LPP: variants seen among roughly 807,000 people sequenced by gnomAD.
The protein encoded by LPP is lipoma-preferred partner.
LPP carries 38 observed loss-of-function variants against 60.4 expected under a neutral mutation model. The ratio of observed to expected loss-of-function variants is 0.63; its 90% CI spans 0.49 to 0.83. The LOEUF is 0.83. LPP is among the 40% of genes least tolerant of loss of function. The probability of loss-of-function intolerance (pLI) is 0.00; values close to 1 mark genes in which losing one functional copy is unlikely to be tolerated. For synonymous variants in LPP, 328 were observed against 290.8 expected (o/e 1.13, Z -1.30); for missense variants, 902 against 783.6 (o/e 1.15, Z -1.80).
In LPP at chr3:188,886,767, C is replaced by CT; in HGVS notation, c.*12288_*12289insT. 4.4e-6 allele frequency: 1 copy of CT among 229,224 alleles called. No individual in the cohort carries two copies. Among genetic ancestry groups the CT allele is most frequent in the Non-Finnish European group, 8.6e-6 (1 of 116,534 alleles). The allele number at this position is 229,224 out of a possible 1,614,324, so 14.2% of individuals were successfully genotyped here. On this transcript the variant is annotated 3_prime_UTR_variant, in exon 12 of 12. Transcript: ENST00000617246. ...ACACACACACACACACACACACACC[C>CT]CTTCCAAGAAAGCTGATCCTTCAGA...
intron 8 of LPP, among the ~76,000 whole-genome samples, chr3:188,740,381 T>A (rs6801161): frequency 0.2 from 30,045 of 152,000 alleles, 3,712 homozygotes; most frequent in Middle Eastern, 0.42. Context: ...ATATTCTCTA[T>A]TGGAGCATAC....
chr3:188,599,790 G>GTGT (rs1553938528), intron 6 of LPP, among the ~76,000 whole-genome samples: 4 of 125,476 alleles, frequency 3.2e-5, no homozygotes, highest in East Asian at 2.5e-4. Flanking sequence ...GTGTGTGTGT[G>GTGT]GTGTGTGCTT....
intron 11 of LPP, 149 bp from the exon 12 acceptor site, chr3:188,874,202 G>A (rs1768932667): frequency 1.7e-6 from 1 of 592,622 alleles, no homozygotes; most frequent in African/African-American, 1.8e-5. Context: ...TGGGAGAAAG[G>A]ATACAGGGGA....
intron 6 of LPP, among the ~76,000 whole-genome samples, chr3:188,551,903 C>A (rs1334164988): frequency 1.3e-5 from 2 of 152,042 alleles, no homozygotes; most frequent in Non-Finnish European, 2.9e-5. Flanking sequence ...AGGGAGAGAC[C>A]AATGGTAAAA....
At chr3:188,175,820 T>C (rs1722893473) in intron 1 of LPP, among the ~76,000 whole-genome samples, 1 of 152,118 alleles carries the variant, frequency 6.6e-6, no homozygotes, top group South Asian at 2.1e-4. Flanking sequence ...GTGCTCATAG[T>C]TGGGCTTTTT....
intron 9 of LPP, among the ~76,000 whole-genome samples, chr3:188,805,260 T>A (rs1748739003): frequency 6.6e-6 from 1 of 152,088 alleles, no homozygotes; most frequent in African/African-American, 2.4e-5. Context: ...AGAATTTGTA[T>A]GGAATTGGTA....
At chr3:188,729,349 G>T (rs1719585817) in intron 8 of LPP, among the ~76,000 whole-genome samples, 1 of 152,170 alleles carries the variant, frequency 6.6e-6, no homozygotes, top group Non-Finnish European at 1.5e-5. Flanking sequence ...TGTTTTGGAT[G>T]TTTACCTGTG....
chr3:188,543,098 G>A (rs2150401701), intron 6 of LPP, among the ~76,000 whole-genome samples: 1 of 152,262 alleles, frequency 6.6e-6, no homozygotes, highest in African/African-American at 2.4e-5. Flanking sequence ...GATGTGACTG[G>A]TCTTCACTAG....
At chr3:188,780,304 G>A (rs1274531289) in intron 9 of LPP, among the ~76,000 whole-genome samples, 1 of 152,134 alleles carries the variant, frequency 6.6e-6, no homozygotes, top group African/African-American at 2.4e-5. Flanking sequence ...TTTTTTTGGA[G>A]CATTGCAATC....
intron 8 of LPP, among the ~76,000 whole-genome samples, chr3:188,717,956 TACAGGCATATGCCAGCATGCCAG>T (rs1247216376): frequency 1.3e-5 from 2 of 152,226 alleles, no homozygotes; most frequent in Non-Finnish European, 2.9e-5. Flanking sequence ...TAGCTGGGAT[TACAGGCATATGCCAGCATGCCAG>T]GCTAATTATT....
intron 6 of LPP, among the ~76,000 whole-genome samples, chr3:188,539,260 A>T (rs1170580678): frequency 6.6e-6 from 1 of 152,202 alleles, no homozygotes; most frequent in Non-Finnish European, 1.5e-5. Flanking sequence ...ACTCTGAATA[A>T]GCTTACAATC....
intron 8 of LPP, among the ~76,000 whole-genome samples, chr3:188,722,172 T>C (rs1302055606): frequency 3.3e-5 from 5 of 152,166 alleles, no homozygotes. Flanking sequence ...TAGCTTTCAA[T>C]GCCAGGTAAT....
chr3:188,214,043 C>T (rs992817148), intron 1 of LPP, among the ~76,000 whole-genome samples: 12 of 149,780 alleles, frequency 8.0e-5, no homozygotes, highest in African/African-American at 2.0e-4. Context: ...CAGAAGACAC[C>T]GACCTATTAC....
intron 3 of LPP, among the ~76,000 whole-genome samples, chr3:188,390,905 A>G (rs1779535735): frequency 6.6e-6 from 1 of 152,196 alleles, no homozygotes; most frequent in Non-Finnish European, 1.5e-5. Context: ...TACTGCAACC[A>G]CAATTTTGGA....
At chr3:188,765,297 A>AAC (rs60149759) in intron 9 of LPP, among the ~76,000 whole-genome samples, 17,050 of 143,776 alleles carry the variant, frequency 0.12, 1,242 homozygotes, top group South Asian at 0.27. Flanking sequence ...TGTCTCACAC[A>AAC]ACACACACAC....
At chr3:188,873,571 A>T (rs1768718027) in intron 11 of LPP, among the ~76,000 whole-genome samples, 1 of 147,694 alleles carries the variant, frequency 6.8e-6, no homozygotes, top group African/African-American at 2.6e-5. Flanking sequence ...CTTTACAGTT[A>T]TGCAGTTCTT....
rs1429869794 is a variant in LPP at position 188,793,947 on chromosome 3, A to G, written c.1410+33665A>G. ...CTCCAGCCAGGACTGCCCCACCGAG[A>G]CTATTCATAGCTCCAACTTAAGGTG... is the stretch of plus-strand genomic sequence containing the variant. On this transcript the variant is annotated intron_variant, in intron 9 of 11. Coordinates refer to ENST00000617246, the MANE Select transcript of LPP (RefSeq NM_001375462.1). Among the ~76,000 whole-genome samples, 3 of 152,140 alleles carry G rather than the reference A, an allele frequency of 2.0e-5. No individual in the cohort carries two copies. The East Asian group carries it at 5.8e-4, about 29-fold the overall frequency.
intron 8 of LPP, among the ~76,000 whole-genome samples, chr3:188,754,900 C>T (rs1406929311): frequency 6.6e-6 from 1 of 152,156 alleles, no homozygotes; most frequent in East Asian, 1.9e-4. Context: ...TTTGGGCCTT[C>T]AGTGGAAGAT....
chr3:188,644,714 A>C (rs1478586901), intron 7 of LPP, among the ~76,000 whole-genome samples: 2 of 152,172 alleles, frequency 1.3e-5, no homozygotes, highest in African/African-American at 4.8e-5. Context: ...TCAGAAAAGA[A>C]AAGAGAAAAA....
Sources: gnomAD v4.1 joint callset for allele counts (sites outside exome capture counted in the v4.1 genomes callset) on GRCh38, gnomAD v4.1.1 for gene constraint, MANE v1.5 for transcripts, NCBI Gene and HGNC (gene_info 2026-07-23, HGNC 2026-07-21) for gene names.